Variants in MMAA observed in about 807,000 individuals in gnomAD.
MMAA encodes methylmalonic aciduria type A protein, mitochondrial.
A neutral mutation model predicts 45.0 loss-of-function variants in MMAA; 41 were observed. The observed-to-expected ratio is 0.91, with a 90% confidence interval of 0.71 to 1.18. The LOEUF is 1.18. Among genes scored for constraint, MMAA ranks in the 50% most tolerant of loss-of-function variants. The pLI is 0.00. For missense variants in MMAA, 460 were observed against 495.7 expected, an observed-to-expected ratio of 0.93 and a Z score of 0.68; for synonymous variants, 154 against 178.2, an observed-to-expected ratio of 0.86 and a Z score of 1.08.
At chr4:145,635,310 G>A (rs547966187) in intron 1 of MMAA, among the ~76,000 whole-genome samples, 6 of 152,274 alleles carry the variant, frequency 3.9e-5, no homozygotes, top group African/African-American at 9.6e-5. Context: ...TTCCTTCTGT[G>A]TGTGGTGCCA....
chr4:145,634,679 T>C (rs183777382), intron 1 of MMAA, among the ~76,000 whole-genome samples: 1 of 152,004 alleles, frequency 6.6e-6, no homozygotes, highest in South Asian at 2.1e-4. Context: ...GAGTCTTACC[T>C]GAAGCTAGCA....
chr4:145,649,146 A>C (rs927213789), intron 4 of MMAA, among the ~76,000 whole-genome samples: 8 of 148,742 alleles, frequency 5.4e-5, no homozygotes, highest in Non-Finnish European at 8.9e-5. Flanking sequence ...AAAAAAAAAA[A>C]AATTAGCCAG....
chr4:145,657,132 A>C lies in MMAA; in HGVS notation c.*1698A>C, dbSNP rs1433720834. On this transcript the variant is annotated 3_prime_UTR_variant, in exon 7 of 7. Transcript: ENST00000649156. ...GCTGGAGCACACATACTGCATTGTA[A>C]AGAAGGTAGGAAAGGTGGGGGGACT... 2.0e-5 allele frequency: 3 copies of C among 152,210 alleles called. No individual in the cohort carries two copies. The highest frequency in any genetic ancestry group is 4.4e-5 in the Non-Finnish European group (3 of 68,022). 9.4% of individuals were successfully genotyped at this position (152,210 alleles called of 1,614,324 possible).
intron 3 of MMAA, 131 bp from the exon 4 acceptor site, chr4:145,645,855 A>C (rs1727915402): frequency 1.3e-6 from 1 of 784,730 alleles, no homozygotes; most frequent in African/African-American, 1.7e-5. Context: ...TGAGTTGGAG[A>C]GAAGCTCAGT....
chr4:145,645,770 G>T (rs1195499265), intron 3 of MMAA, among the ~76,000 whole-genome samples: 1 of 152,172 alleles, frequency 6.6e-6, no homozygotes, highest in Non-Finnish European at 1.5e-5. Context: ...GGAACCTTTG[G>T]TCAGGGGGAA....
intron 3 of MMAA, chr4:145,642,760 C>T: frequency 7.1e-6 from 3 of 421,684 alleles, no homozygotes; most frequent in Non-Finnish European, 1.3e-5. Flanking sequence ...AAATTTCAGT[C>T]CTTCAGCTTC....
At position 145,655,524 on chromosome 4, in the gene MMAA, A is replaced by G; in HGVS notation, c.*90A>G. ...TTGTATGCTTATATTTTCAGTAATT[A>G]TTGTATGGTGCTCTTGTCTTCTTTG... On this transcript the variant is annotated 3_prime_UTR_variant, in exon 7 of 7. Coordinates refer to ENST00000649156, the MANE Select transcript of MMAA (RefSeq NM_172250.3). 1 of 1,207,976 alleles carries G rather than the reference A, an allele frequency of 8.3e-7. No individual in the cohort carries two copies. Among genetic ancestry groups the G allele is most frequent in the Non-Finnish European group, 1.2e-6 (1 of 865,934 alleles). 74.8% of individuals were successfully genotyped at this position (1,207,976 alleles called of 1,614,324 possible). A position where few individuals can be genotyped will look rare whatever the true frequency, so the allele number is the denominator to read the frequency against.
At chr4:145,640,613 C>T (rs1354756502) in intron 2 of MMAA, among the ~76,000 whole-genome samples, 1 of 152,118 alleles carries the variant, frequency 6.6e-6, no homozygotes, top group Non-Finnish European at 1.5e-5. Flanking sequence ...CCTTGGCCTA[C>T]CAAAGTGCTG....
intron 6 of MMAA, 22 bp from the exon 7 acceptor site, chr4:145,655,125 C>G (rs376638496): frequency 6.2e-7 from 1 of 1,613,432 alleles, no homozygotes; most frequent in African/African-American, 1.3e-5. Flanking sequence ...GTAAAATGGT[C>G]TGGTTCTTCC....
intron 1 of MMAA, chr4:145,625,080 G>A: frequency 1.0e-6 from 1 of 963,636 alleles, no homozygotes; most frequent in East Asian, 2.4e-5. Context: ...GGCTTCCCCA[G>A]CTTATGGGAT....
chr4:145,624,296 G>C (rs773914312), intron 1 of MMAA: 13 of 795,058 alleles, frequency 1.6e-5, no homozygotes, highest in Non-Finnish European at 3.0e-5. Context: ...GGTGAATTAA[G>C]TAATACTTCT....
Position 145,633,477 on chromosome 4 carries a change from T to C in MMAA, c.-65-5598T>C, listed in dbSNP as rs549396276. Reference sequence around the variant, plus strand: ...CCTCCCAAAGTGCTGGGATTACATATGTGAGCTACCACATTCAGTCGTGTC... The same window carrying C: ...CCTCCCAAAGTGCTGGGATTACATACGTGAGCTACCACATTCAGTCGTGTC... On this transcript the variant is annotated intron_variant, in intron 1 of 6. Transcript: ENST00000649156. Among the ~76,000 whole-genome samples the C allele has an allele frequency of 1.5e-4, 23 of 152,324 alleles. No homozygotes were observed. In the South Asian group the frequency reaches 4.6e-3, roughly 30 times the overall value.
At chr4:145,640,107 A>G (rs1316914500) in intron 2 of MMAA, among the ~76,000 whole-genome samples, 1 of 151,740 alleles carries the variant, frequency 6.6e-6, no homozygotes, top group Non-Finnish European at 1.5e-5. Flanking sequence ...TTTATTTTTT[A>G]TTTTTGTACT....
chr4:145,652,262 T>C (rs1434160183), intron 5 of MMAA, among the ~76,000 whole-genome samples: 1 of 152,174 alleles, frequency 6.6e-6, no homozygotes, highest in Non-Finnish European at 1.5e-5. Flanking sequence ...AAGTTTTTCT[T>C]GGGGTTTCAT....
chr4:145,624,441 T>G, intron 1 of MMAA: 1 of 816,698 alleles, frequency 1.2e-6, no homozygotes, highest in Non-Finnish European at 2.1e-6. Context: ...TTTTAGCTTT[T>G]GTTTGCCAGC....
rs1240340814 is a variant in MMAA, at chr4:145,651,145, C to T, written c.817C>T (p.Gln273Ter). ...LLPPAGGDEL[Q>*]GIKRGIIEMA... ...GCCACCAGCAGGAGGAGATGAGCTG[C>T]AGGTAATTATTTTTATTTTTTCCCC... is the stretch of plus-strand genomic sequence containing the variant. The change falls in exon 5 of 7, where the codon CAG becomes TAG. Residue 273 changes from glutamine (Q) to a stop codon, truncating the protein, a stop_gained and splice_region_variant. Transcript: ENST00000649156. LOFTEE classifies it high-confidence loss of function. The T allele has an allele frequency of 6.2e-7, 1 of 1,613,000 alleles. No homozygotes were observed. The highest frequency in any genetic ancestry group is 8.5e-7 in the Non-Finnish European group (1 of 1,179,132).
Position 145,642,441 on chromosome 4 carries a change from A to C in MMAA, c.518A>C (p.Lys173Thr). The C allele has an allele frequency of 1.2e-6, 2 of 1,614,142 alleles. No homozygotes were observed. The highest frequency in any genetic ancestry group is 2.2e-5 in the South Asian group (2 of 91,086). The change falls in exon 3 of 7, where the codon AAA becomes ACA. Residue 173 changes from lysine (K) to threonine (T), a missense_variant. By Grantham distance (78) the Lys-to-Thr change is moderately conservative (BLOSUM62 -1). Transcript: ENST00000649156. ...FGKMLTERGH[K>T]LSVLAVDPSS... is the part of the protein sequence containing the mutation. ...AAAATGCTTACTGAGAGAGGGCACA[A>C]ATTATCTGTGCTAGCTGTGGACCCT...
intron 1 of MMAA, among the ~76,000 whole-genome samples, chr4:145,627,660 A>G (rs1243086295): frequency 6.6e-6 from 1 of 152,150 alleles, no homozygotes; most frequent in Non-Finnish European, 1.5e-5. Flanking sequence ...CATTGAATAG[A>G]ACACTTAACT....
Position 145,653,967 on chromosome 4 carries a change from G to GT in MMAA, c.820-26dup, listed in dbSNP as rs759260546. 4 of 1,613,264 alleles carry GT rather than the reference G, an allele frequency of 2.5e-6. No individual in the cohort carries two copies. In the African/African-American group the frequency reaches 5.3e-5, roughly 22 times the overall value. ...TAGTTTTCCCATTTTTATGTTGGTT[G>GT]TCATTAAATGTTTCTGATCTCTTTA... is the stretch of plus-strand genomic sequence containing the variant. On this transcript the variant is annotated intron_variant, in intron 5 of 6. Transcript: ENST00000649156.
Sources: allele counts gnomAD v4.1 joint callset (sites outside exome capture counted in the v4.1 genomes callset), GRCh38; gene constraint gnomAD v4.1.1; transcripts MANE v1.5; gene names NCBI Gene and HGNC (gene_info 2026-07-23, HGNC 2026-07-21).